Variants in NTM observed in about 807,000 individuals in gnomAD.
NTM encodes neurotrimin.
NTM carries 13 observed loss-of-function variants against 42.1 expected under a neutral mutation model. The ratio of observed to expected loss-of-function variants is 0.31; its 90% CI spans 0.20 to 0.49. NTM has a LOEUF of 0.49. NTM is among the 20% of genes least tolerant of loss of function. NTM has a pLI of 0.99. For synonymous variants in NTM, 187 were observed against 179.2 expected (o/e 1.04, Z -0.35); for missense variants, 373 against 452.8 (o/e 0.82, Z 1.60).
At chr11:131,435,567 T>C (rs1949055459) in intron 1 of NTM, among the ~76,000 whole-genome samples, 1 of 152,206 alleles carries the variant, frequency 6.6e-6, no homozygotes, top group African/African-American at 2.4e-5. Flanking sequence ...GAATGGGAGT[T>C]CACTCATGAT....
At chr11:131,819,243 T>G (rs1416421962) in intron 1 of NTM, among the ~76,000 whole-genome samples, 1 of 152,158 alleles carries the variant, frequency 6.6e-6, no homozygotes, top group Non-Finnish European at 1.5e-5. Flanking sequence ...GCTTCTCAAC[T>G]TTGGCTGCAC....
rs577118723 is a variant in NTM at position 131,549,255 on chromosome 11, C to T, written c.82+178367C>T. 4.0e-4 allele frequency among the ~76,000 whole-genome samples: 61 copies of T among 152,194 alleles called. 2 individuals carry two copies. The South Asian group carries it at 0.012, about 30-fold the overall frequency. ...GCTGAGGCCACTATTGGGAAGGGAC[C>T]TTGTGTTTATCTGAGATGGTACCTG... On this transcript the variant is annotated intron_variant, in intron 1 of 8. Transcript: ENST00000683400.
intron 1 of NTM, among the ~76,000 whole-genome samples, chr11:131,499,761 A>G (rs1166733797): frequency 6.6e-6 from 1 of 152,174 alleles, no homozygotes; most frequent in Non-Finnish European, 1.5e-5. Context: ...CAGAGCAAAA[A>G]AATCCCCTGA....
At chr11:131,960,895 A>C (rs1219779019) in intron 2 of NTM, among the ~76,000 whole-genome samples, 1 of 152,118 alleles carries the variant, frequency 6.6e-6, no homozygotes, top group Non-Finnish European at 1.5e-5. Flanking sequence ...CAGGAGGGTC[A>C]ATATTGCTTT....
intron 1 of NTM, among the ~76,000 whole-genome samples, chr11:131,846,528 A>G (rs1456124803): frequency 6.6e-6 from 1 of 152,212 alleles, no homozygotes; most frequent in East Asian, 1.9e-4. Context: ...TATCATGAAC[A>G]GTTTAACAGT....
intron 3 of NTM, among the ~76,000 whole-genome samples, chr11:132,195,032 A>T (rs2079951847): frequency 6.6e-6 from 1 of 151,934 alleles, no homozygotes; most frequent in African/African-American, 2.4e-5. Context: ...CATGTTGGCC[A>T]GGTTGGTCTC....
At chr11:132,031,745 T>C (rs1365344812) in intron 2 of NTM, among the ~76,000 whole-genome samples, 1 of 152,224 alleles carries the variant, frequency 6.6e-6, no homozygotes, top group Non-Finnish European at 1.5e-5. Flanking sequence ...AGGTGCAGGC[T>C]GGAGACAGGG....
In NTM at chr11:131,635,643, CTT is replaced by C. The variant is rs531123133; in HGVS notation, c.82+264760_82+264761del. Among the ~76,000 whole-genome samples the C allele has an allele frequency of 1.6e-3, 249 of 152,002 alleles. 2 individuals are homozygous for C. The highest frequency in any genetic ancestry group is 5.8e-3 in the African/African-American group (239 of 41,488). ...AAGTTAATTTATTATTGAATAAAGACTTTTTTATTAATTTAGTGTATTTAATT... is the reference window on the plus strand; with the variant it reads ...AAGTTAATTTATTATTGAATAAAGACTTTTATTAATTTAGTGTATTTAATT... On this transcript the variant is annotated intron_variant, in intron 1 of 8. Coordinates refer to ENST00000683400, the MANE Select transcript of NTM (RefSeq NM_001352005.2).
intron 1 of NTM, among the ~76,000 whole-genome samples, chr11:131,784,543 G>A (rs1443098455): frequency 2.0e-5 from 3 of 152,166 alleles, no homozygotes; most frequent in Non-Finnish European, 2.9e-5. Context: ...TCTAGAATAG[G>A]TGAAACCAAA....
chr11:131,952,331 C>A (rs188822616), intron 2 of NTM, among the ~76,000 whole-genome samples: 39 of 152,296 alleles, frequency 2.6e-4, no homozygotes, highest in Admixed American at 2.2e-3. Flanking sequence ...TCCTTCAGGG[C>A]AGGAACTCTA....
intron 1 of NTM, among the ~76,000 whole-genome samples, chr11:131,816,535 A>C (rs1320841167): frequency 1.8e-5 from 2 of 113,092 alleles, no homozygotes; most frequent in Non-Finnish European, 3.4e-5. Flanking sequence ...AGTTCATTGA[A>C]TATTAAAGCA....
chr11:131,529,837 A>G (rs1056888387), intron 1 of NTM, among the ~76,000 whole-genome samples: 1 of 152,172 alleles, frequency 6.6e-6, no homozygotes, highest in Non-Finnish European at 1.5e-5. Context: ...TTCGTGAATA[A>G]TCTACCCTTG....
chr11:131,780,624 A>T (rs181795622), intron 1 of NTM, among the ~76,000 whole-genome samples: 160 of 152,312 alleles, frequency 1.1e-3, no homozygotes, highest in Non-Finnish European at 8.8e-4. Context: ...TTGTTTTCTA[A>T]TATGCTTGAC....
intron 4 of NTM, among the ~76,000 whole-genome samples, chr11:132,288,110 G>T (rs2094318969): frequency 6.6e-6 from 1 of 152,164 alleles, no homozygotes; most frequent in South Asian, 2.1e-4. Context: ...GTGTTTCTCT[G>T]GGGATTGAAG....
intron 5 of NTM, among the ~76,000 whole-genome samples, chr11:132,308,110 T>G (rs1051021989): frequency 6.6e-6 from 1 of 152,230 alleles, no homozygotes; most frequent in South Asian, 2.1e-4. Context: ...AGCTCATAAT[T>G]TTTTAAACAC....
At chr11:132,138,066 C>T (rs1242500463) in intron 2 of NTM, among the ~76,000 whole-genome samples, 2 of 152,174 alleles carry the variant, frequency 1.3e-5, no homozygotes, top group South Asian at 2.1e-4. Context: ...ACATGCTGCA[C>T]CTTACTCCTC....
At chr11:132,294,538 A>G (rs999910443) in intron 4 of NTM, among the ~76,000 whole-genome samples, 2 of 152,194 alleles carry the variant, frequency 1.3e-5, no homozygotes, top group African/African-American at 4.8e-5. Context: ...CCTTGGAATT[A>G]TCGGGAAGGA....
chr11:131,437,954 G>T (rs1157341835), intron 1 of NTM, among the ~76,000 whole-genome samples: 2 of 152,162 alleles, frequency 1.3e-5, no homozygotes, highest in Non-Finnish European at 2.9e-5. Flanking sequence ...TGTTCCTTCA[G>T]GAGCTCTTGT....
At chr11:132,183,694 T>G (rs2077950176) in intron 3 of NTM, among the ~76,000 whole-genome samples, 1 of 152,148 alleles carries the variant, frequency 6.6e-6, no homozygotes, top group Admixed American at 6.5e-5. Context: ...TCATAGAAAC[T>G]TTAGACTCAC....
Sources: gnomAD v4.1 joint callset for allele counts (sites outside exome capture counted in the v4.1 genomes callset) on GRCh38, gnomAD v4.1.1 for gene constraint, MANE v1.5 for transcripts, NCBI Gene and HGNC (gene_info 2026-07-23, HGNC 2026-07-21) for gene names.